MAP3K15: variants seen among roughly 807,000 people sequenced by gnomAD.
MAP3K15 encodes MAPK/ERK kinase kinase 15.
MAP3K15 carries 124 observed loss-of-function variants against 99.5 expected under a neutral mutation model. The ratio of observed to expected loss-of-function variants is 1.25; its 90% CI spans 1.08 to 1.45. MAP3K15 has a LOEUF of 1.45. Ranked by LOEUF, MAP3K15 falls within the 40% of genes most tolerant of loss-of-function variation. The probability of loss-of-function intolerance (pLI) is 0.00; values close to 1 mark genes in which losing one functional copy is unlikely to be tolerated. For missense variants in MAP3K15, 1,242 were observed against 1,079.7 expected (o/e 1.15, Z -2.11); for synonymous variants, 494 against 439.6 (o/e 1.12, Z -1.55).
At chrX:19,500,326 G>C (rs2064432932) in intron 1 of MAP3K15, among the ~76,000 whole-genome samples, 1 of 111,825 alleles carries the variant, frequency 8.9e-6, no homozygotes, top group Non-Finnish European at 1.9e-5. Context: ...GAAGAAATGA[G>C]AACAGCAGGA....
chrX:19,448,064 T>C (rs2064014145), intron 6 of MAP3K15, among the ~76,000 whole-genome samples: 1 of 107,061 alleles, frequency 9.3e-6, no homozygotes, highest in Admixed American at 1.0e-4. Context: ...GTTTCCTAAG[T>C]GGAACTGTGG....
At chrX:19,470,841 T>A (rs187360077) in intron 3 of MAP3K15, among the ~76,000 whole-genome samples, 220 of 111,841 alleles carry the variant, frequency 2.0e-3, no homozygotes, top group Non-Finnish European at 3.2e-3. Flanking sequence ...TAGCAGACAA[T>A]GACTTGAAAG....
chrX:19,370,167 G>GTC (rs2063364341), intron 24 of MAP3K15, among the ~76,000 whole-genome samples: 4 of 111,759 alleles, frequency 3.6e-5, no homozygotes, highest in African/African-American at 1.3e-4. Context: ...TTAGCAGGAA[G>GTC]AAGTCACCAG....
At chrX:19,413,971 G>A (rs2063711776) in intron 10 of MAP3K15, among the ~76,000 whole-genome samples, 2 of 109,520 alleles carry the variant, frequency 1.8e-5, no homozygotes, top group Non-Finnish European at 3.8e-5. Flanking sequence ...GACCAGCCTG[G>A]CCAACGTGGT....
chrX:19,431,987 G>A (rs768598494), intron 6 of MAP3K15, among the ~76,000 whole-genome samples: 2 of 98,802 alleles, frequency 2.0e-5, no homozygotes, highest in African/African-American at 7.6e-5. Context: ...ATACATATAC[G>A]CATTCATCAT....
At chrX:19,383,012 C>G (rs2063469827) in intron 18 of MAP3K15, among the ~76,000 whole-genome samples, 1 of 111,547 alleles carries the variant, frequency 9.0e-6, no homozygotes, top group African/African-American at 3.3e-5. Flanking sequence ...TGCTGTGGCC[C>G]TAAGCTTGGC....
At chrX:19,482,386 A>G (rs765767675) in intron 3 of MAP3K15, 178 of 111,708 alleles carry the variant, frequency 1.6e-3, no homozygotes, top group African/African-American at 5.7e-3. Context: ...TCTATACAGT[A>G]GAATACCATT....
intron 1 of MAP3K15, chrX:19,496,914 C>G (rs918568402): frequency 5.4e-5 from 6 of 111,117 alleles, no homozygotes; most frequent in Non-Finnish European, 9.4e-5. Flanking sequence ...GTCCCCATAG[C>G]CTGTGGGAGT....
intron 18 of MAP3K15, among the ~76,000 whole-genome samples, chrX:19,386,842 G>C (rs2063496756): frequency 9.0e-6 from 1 of 111,014 alleles, no homozygotes; most frequent in Admixed American, 9.6e-5. Flanking sequence ...AGCTTCTTTA[G>C]AGAGAGCTAT....
intron 13 of MAP3K15, 37 bp from the exon 14 acceptor site, chrX:19,400,700 A>C: frequency 7.4e-6 from 7 of 943,193 alleles, no homozygotes; most frequent in South Asian, 2.1e-5. Flanking sequence ...TTGCCAACTC[A>C]GAACTGCTCT....
intron 9 of MAP3K15, among the ~76,000 whole-genome samples, chrX:19,415,753 G>C (rs2063729132): frequency 9.0e-6 from 1 of 110,939 alleles, no homozygotes; most frequent in African/African-American, 3.3e-5. Flanking sequence ...GGTATGCCAT[G>C]AACACATAAA....
At chrX:19,445,980 A>ATAAATAAT (rs1253011433) in intron 6 of MAP3K15, among the ~76,000 whole-genome samples, 1 of 110,641 alleles carries the variant, frequency 9.0e-6, no homozygotes, top group Non-Finnish European at 1.9e-5. Context: ...AAATAAATAA[A>ATAAATAAT]TAAATATTAA....
intron 1 of MAP3K15, among the ~76,000 whole-genome samples, chrX:19,512,784 T>A (rs922571438): frequency 2.7e-5 from 3 of 110,778 alleles, no homozygotes; most frequent in African/African-American, 9.9e-5. Flanking sequence ...ATGCCACTAG[T>A]GCAACTAAGG....
At chrX:19,423,091 G>C (rs745653944) in intron 9 of MAP3K15, among the ~76,000 whole-genome samples, 49 of 110,264 alleles carry the variant, frequency 4.4e-4, no homozygotes, top group African/African-American at 1.5e-3. Flanking sequence ...ATGAGTTAAT[G>C]GGTGCAGCAC....
intron 1 of MAP3K15, among the ~76,000 whole-genome samples, chrX:19,506,131 A>G (rs746109506): frequency 1.8e-5 from 2 of 111,799 alleles, no homozygotes; most frequent in East Asian, 5.6e-4. Flanking sequence ...ACAGGGTTTC[A>G]CCATGTTAGC....
chrX:19,427,078 A>C (rs376450632), intron 7 of MAP3K15, among the ~76,000 whole-genome samples: 1 of 110,726 alleles, frequency 9.0e-6, no homozygotes, highest in Admixed American at 9.7e-5. Context: ...CATCTAAGCA[A>C]TCCTTCCACC....
chrX:19,375,276 G>A (rs1266789931), intron 19 of MAP3K15, among the ~76,000 whole-genome samples: 1 of 112,163 alleles, frequency 8.9e-6, no homozygotes, highest in East Asian at 2.8e-4. Flanking sequence ...AAAGGCATCT[G>A]TTACCTGTTC....
At position 19,464,212 on chromosome X, in the gene MAP3K15, C is replaced by G; in HGVS notation, c.719+1G>C. ...GGTTACTGGTGGCAGATGGGAATTA[C>G]CATGAGGTCACGTGGATGTCCTTAA... On this transcript the variant is annotated splice_donor_variant, in intron 4 of 28. Transcript: ENST00000338883. LOFTEE classifies it high-confidence loss of function. 1 of 1,191,056 alleles carries G rather than the reference C, an allele frequency of 8.4e-7. No homozygotes were observed. Among genetic ancestry groups the G allele is most frequent in the Non-Finnish European group, 1.1e-6 (1 of 888,672 alleles).
chrX:19,408,029 T>C (rs892643091), intron 12 of MAP3K15, among the ~76,000 whole-genome samples: 2 of 112,574 alleles, frequency 1.8e-5, no homozygotes, highest in Non-Finnish European at 3.7e-5. Context: ...CTTTATGTTA[T>C]AGATTGCATG....
Sources: allele counts gnomAD v4.1 joint callset (sites outside exome capture counted in the v4.1 genomes callset), GRCh38; gene constraint gnomAD v4.1.1; transcripts MANE v1.5; gene names NCBI Gene and HGNC (gene_info 2026-07-23, HGNC 2026-07-21).